The following APBA1 variants were observed in gnomAD, a reference collection of about 807,000 sequenced individuals.
APBA1 encodes the protein amyloid-beta A4 precursor protein-binding family A member 1.
In APBA1, 55 loss-of-function variants were observed where a neutral mutation model predicts 86.6. The ratio of observed to expected loss-of-function variants is 0.64; its 90% CI spans 0.51 to 0.80. The LOEUF (loss-of-function observed/expected upper bound fraction) is 0.80. APBA1 is among the 30% of genes least tolerant of loss of function. The pLI, the probability that APBA1 is intolerant of heterozygous loss-of-function variation, is 0.00. For synonymous variants in APBA1, 511 were observed against 493.9 expected, an observed-to-expected ratio of 1.03 and a Z score of -0.46; for missense variants, 1,090 against 1,183.0, an observed-to-expected ratio of 0.92 and a Z score of 1.15.
At chr9:69,609,194 T>A (rs1330336) in intron 1 of APBA1, among the ~76,000 whole-genome samples, 81,293 of 152,140 alleles carry the variant, frequency 0.53, 24,230 homozygotes, top group East Asian at 0.84. Flanking sequence ...ATCATAAGAT[T>A]GTGAAACTTT....
chr9:69,641,901 C>T (rs967116833), intron 1 of APBA1, among the ~76,000 whole-genome samples: 9 of 152,042 alleles, frequency 5.9e-5, no homozygotes, highest in African/African-American at 1.4e-4. Flanking sequence ...GCTGGAGTGC[C>T]GTGGCGTGAT....
At chr9:69,525,304 G>A (rs1836324913) in intron 1 of APBA1, among the ~76,000 whole-genome samples, 1 of 152,050 alleles carries the variant, frequency 6.6e-6, no homozygotes, top group Admixed American at 6.6e-5. Context: ...TCTTTTCCCT[G>A]ACAATGTGAT....
At chr9:69,468,056 T>C in intron 4 of APBA1, 88 bp from the exon 5 acceptor site, 2 of 1,514,220 alleles carry the variant, frequency 1.3e-6, no homozygotes, top group East Asian at 4.5e-5. Context: ...CTCCCATGCC[T>C]CACTGCTGGC....
At chr9:69,643,019 AACACACACAC>A (rs369247145) in intron 1 of APBA1, among the ~76,000 whole-genome samples, 2 of 141,516 alleles carry the variant, frequency 1.4e-5, no homozygotes, top group African/African-American at 5.2e-5. Flanking sequence ...CCCCGCCACA[AACACACACAC>A]ACACACACAC....
chr9:69,432,574 C>T lies in APBA1; in HGVS notation c.2404G>A (p.Glu802Lys), dbSNP rs750903494. Reference protein sequence around the residue: ...NGQSVVATPHEKIVHILSNAV... With the variant: ...NGQSVVATPHKKIVHILSNAV... ...TTGGAGAGAATGTGGACGATCTTCT[C>T]GTGGGGGGTGGCCACGACGCTCTGT... The change falls in exon 12 of 13, where the codon GAG becomes AAG. Residue 802 changes from glutamate (E) to lysine (K), a missense_variant. Around this residue, in one of 6 missense-constraint regions of APBA1, gnomAD observed 119 missense variants for 124.8 expected, o/e 0.95. Transcript: ENST00000265381. 6.2e-6 allele frequency: 10 copies of T among 1,601,092 alleles called. No individual in the cohort carries two copies. Among genetic ancestry groups the T allele is most frequent in the South Asian group, 2.3e-5 (2 of 88,718 alleles).
Position 69,554,574 on chromosome 9 carries a change from C to T in APBA1, c.-69-37295G>A, listed in dbSNP as rs181820640. 1.4e-3 allele frequency among the ~76,000 whole-genome samples: 213 copies of T among 152,186 alleles called. 2 individuals are homozygous for T. Among genetic ancestry groups the T allele is most frequent in the African/African-American group, 4.5e-3 (188 of 41,518 alleles). ...CCAGAGAAACTCTAGAAGTTTCCAG[C>T]GGCACACAAGGAGCTTAAATATTAT... On this transcript the variant is annotated intron_variant, in intron 1 of 12. Coordinates refer to ENST00000265381, the MANE Select transcript of APBA1 (RefSeq NM_001163.4).
intron 1 of APBA1, among the ~76,000 whole-genome samples, chr9:69,657,532 A>T (rs1823636279): frequency 5.3e-5 from 8 of 152,212 alleles, no homozygotes; most frequent in Admixed American, 5.2e-4. Flanking sequence ...GCCCAATGAG[A>T]TCAACATTAG....
intron 1 of APBA1, among the ~76,000 whole-genome samples, chr9:69,581,666 C>A (rs1422418011): frequency 1.3e-5 from 2 of 152,154 alleles, no homozygotes; most frequent in East Asian, 3.9e-4. Flanking sequence ...GAATATTCCC[C>A]ACTGACAATG....
intron 1 of APBA1, among the ~76,000 whole-genome samples, chr9:69,568,288 T>A (rs896846793): frequency 6.6e-6 from 1 of 152,198 alleles, no homozygotes; most frequent in Non-Finnish European, 1.5e-5. Context: ...GGGCACTTCA[T>A]GAAAGATCCA....
chr9:69,516,278 G>T lies in APBA1; in HGVS notation c.933C>A (p.Pro311=). 1 of 1,467,566 alleles carries T rather than the reference G, an allele frequency of 6.8e-7. No individual in the cohort carries two copies. 90.9% of individuals were successfully genotyped at this position (1,467,566 alleles called of 1,614,324 possible). ...CCGGCGCCTGCAGCCCGGGGCTGTC[G>T]GGGCGACCCCCGGCCGGGGTAGGGG... is the stretch of plus-strand genomic sequence containing the variant. The part of the protein sequence containing the change: ...ERPPTPAGGR[P]DSPGLQAPAG... The change falls in exon 2 of 13, where the codon CCC becomes CCA. Residue 311 remains proline, a synonymous_variant. Transcript: ENST00000265381. The surrounding 1 kb of genome is among the most constrained non-coding windows in gnomAD (Gnocchi z 7.3).
rs536423352 is a variant in APBA1 at position 69,609,598 on chromosome 9, C to T, written c.-70+62555G>A. ...ATAAACATTTTCTTTTAGAGTCCAC[C>T]TCTCTGCTATTTAGATTGATGAAAA... On this transcript the variant is annotated intron_variant, in intron 1 of 12. Transcript: ENST00000265381. 9.2e-5 allele frequency among the ~76,000 whole-genome samples: 14 copies of T among 152,278 alleles called. No homozygotes were observed. In the South Asian group the frequency reaches 2.5e-3, roughly 27 times the overall value.
intron 1 of APBA1, among the ~76,000 whole-genome samples, chr9:69,634,742 C>A (rs570601617): frequency 6.6e-6 from 1 of 152,212 alleles, no homozygotes; most frequent in African/African-American, 2.4e-5. Flanking sequence ...AAGAAACAAA[C>A]AACATACAAT....
chr9:69,640,688 A>G (rs1258145435), intron 1 of APBA1, among the ~76,000 whole-genome samples: 1 of 151,968 alleles, frequency 6.6e-6, no homozygotes, highest in Non-Finnish European at 1.5e-5. Context: ...AAACATATAC[A>G]CTCACCATCT....
At chr9:69,671,987 A>G (rs1164130174) in intron 1 of APBA1, among the ~76,000 whole-genome samples, 166 bp downstream of exon 1, 1 of 152,090 alleles carries the variant, frequency 6.6e-6, no homozygotes, top group African/African-American at 2.4e-5. Context: ...TGATGGTTCC[A>G]GGCACTGCCT....
chr9:69,447,839 A>G (rs978368623), intron 10 of APBA1, among the ~76,000 whole-genome samples: 5 of 152,148 alleles, frequency 3.3e-5, no homozygotes, highest in Non-Finnish European at 2.9e-5. Flanking sequence ...ACTGTGAGCC[A>G]TAAGTCCTTT....
At chr9:69,495,134 A>G (rs1040532420) in intron 2 of APBA1, among the ~76,000 whole-genome samples, 7 of 152,046 alleles carry the variant, frequency 4.6e-5, no homozygotes, top group Non-Finnish European at 8.8e-5. Context: ...CTCTGTCCTT[A>G]CCATCTTGGA....
chr9:69,493,931 C>T (rs1272939909), intron 2 of APBA1, among the ~76,000 whole-genome samples: 1 of 152,046 alleles, frequency 6.6e-6, no homozygotes, highest in Non-Finnish European at 1.5e-5. Flanking sequence ...TTTAGATTAA[C>T]CTTATTCCAC....
Position 69,491,791 on chromosome 9 carries a change from G to A in APBA1, c.1201-15648C>T, listed in dbSNP as rs143011565. On this transcript the variant is annotated intron_variant, in intron 2 of 12. Transcript: ENST00000265381. ...TTTTTTTTTTTTTTTTTGAGATGGAGTCTTGCTTTGTTGCCGAGGCTGGAG... is the reference window on the plus strand; with the variant it reads ...TTTTTTTTTTTTTTTTTGAGATGGAATCTTGCTTTGTTGCCGAGGCTGGAG... Among the ~76,000 whole-genome samples, 1,134 of 144,342 alleles carry A rather than the reference G, an allele frequency of 7.9e-3. 15 individuals are homozygous for A. The highest frequency in any genetic ancestry group is 0.027 in the African/African-American group (1,063 of 38,850). The allele number at this position is 144,342 out of a possible 152,430, so 94.7% of individuals were successfully genotyped here.
At chr9:69,629,335 T>C (rs898749828) in intron 1 of APBA1, among the ~76,000 whole-genome samples, 6 of 152,226 alleles carry the variant, frequency 3.9e-5, no homozygotes, top group Admixed American at 3.9e-4. Context: ...AACCATTATA[T>C]ATGCTACAGG....
Sources: gnomAD v4.1 joint callset for allele counts (sites outside exome capture counted in the v4.1 genomes callset) on GRCh38, gnomAD v4.1.1 for gene constraint, gnomAD v4.1.1 regional missense constraint, Gnocchi (gnomAD v3.1) non-coding constraint, MANE v1.5 for transcripts, NCBI Gene and HGNC (gene_info 2026-07-23, HGNC 2026-07-21) for gene names.